The following DLG2 variants were observed in gnomAD, a reference collection of about 807,000 sequenced individuals.
The protein encoded by DLG2 is disks large homolog 2.
DLG2 carries 45 observed loss-of-function variants against 132.5 expected under a neutral mutation model. The ratio of observed to expected loss-of-function variants is 0.34; its 90% confidence interval spans 0.27 to 0.44. DLG2 has a LOEUF of 0.44. DLG2 is among the 20% of genes least tolerant of loss of function. The probability of loss-of-function intolerance (pLI) is 1.00; values close to 1 mark genes in which losing one functional copy is unlikely to be tolerated. For missense variants in DLG2, 1,045 were observed against 1,196.9 expected (o/e 0.87, Z 1.87); for synonymous variants, 424 against 419.6 (o/e 1.01, Z -0.13).
chr11:83,723,139 GGGAGGCCGA>G (rs2089128399), intron 18 of DLG2, among the ~76,000 whole-genome samples: 1 of 152,138 alleles, frequency 6.6e-6, no homozygotes, highest in African/African-American at 2.4e-5. Flanking sequence ...CCAGCACTTT[GGGAGGCCGA>G]GGAGGGCAGA....
intron 19 of DLG2, among the ~76,000 whole-genome samples, chr11:83,602,630 T>C (rs598934): frequency 0.5 from 76,131 of 152,108 alleles, 20,010 homozygotes; most frequent in African/African-American, 0.65. Context: ...TCCTTGGCCA[T>C]GTTTCAGTCT....
intron 9 of DLG2, among the ~76,000 whole-genome samples, chr11:84,129,538 G>GTACCTTGCCTCAAA (rs1318622538): frequency 1.3e-5 from 2 of 152,090 alleles, no homozygotes; most frequent in Admixed American, 1.3e-4. Flanking sequence ...TACATGATGT[G>GTACCTTGCCTCAAA]AGATGGCCTG....
At chr11:83,988,237 G>C (rs2093467758) in intron 11 of DLG2, among the ~76,000 whole-genome samples, 1 of 152,034 alleles carries the variant, frequency 6.6e-6, no homozygotes, top group South Asian at 2.1e-4. Context: ...GTATTTCTTA[G>C]ATTTTCTTCT....
intron 6 of DLG2, among the ~76,000 whole-genome samples, chr11:84,759,688 C>A (rs1172768739): frequency 6.6e-6 from 1 of 152,046 alleles, no homozygotes; most frequent in Non-Finnish European, 1.5e-5. Flanking sequence ...AACACCATCC[C>A]TTTTTTCAAA....
At chr11:84,871,814 G>C (rs182205846) in intron 6 of DLG2, among the ~76,000 whole-genome samples, 8 of 152,140 alleles carry the variant, frequency 5.3e-5, no homozygotes, top group Admixed American at 3.9e-4. Flanking sequence ...CTTCCGCCTT[G>C]TGGGTTCAAG....
At chr11:85,269,678 GC>G (rs1340936513) in intron 4 of DLG2, among the ~76,000 whole-genome samples, 1 of 152,184 alleles carries the variant, frequency 6.6e-6, no homozygotes, top group African/African-American at 2.4e-5. Flanking sequence ...TAGGCCAGTA[GC>G]AAGCATAATC....
chr11:83,614,962 T>C (rs1590974471), intron 19 of DLG2, among the ~76,000 whole-genome samples: 1 of 152,238 alleles, frequency 6.6e-6, no homozygotes, highest in Non-Finnish European at 1.5e-5. Context: ...AGTGGTATTC[T>C]GGATGGAGCT....
intron 4 of DLG2, among the ~76,000 whole-genome samples, chr11:85,181,236 G>A (rs1174928434): frequency 6.6e-6 from 1 of 150,922 alleles, no homozygotes; most frequent in Non-Finnish European, 1.5e-5. Context: ...ATGTATATGT[G>A]TATATATATG....
chr11:83,821,877 A>T (rs1347849692), intron 17 of DLG2, among the ~76,000 whole-genome samples: 1 of 152,114 alleles, frequency 6.6e-6, no homozygotes, highest in Non-Finnish European at 1.5e-5. Context: ...CAAAAAACAA[A>T]CTCTACCCTC....
chr11:84,502,465 G>A (rs11234052), intron 7 of DLG2, among the ~76,000 whole-genome samples: 32 of 145,090 alleles, frequency 2.2e-4, no homozygotes, highest in Middle Eastern at 3.5e-3. Flanking sequence ...TCTCAATCTC[G>A]GCTCACTGCA....
At chr11:84,408,732 C>A (rs2098876126) in intron 7 of DLG2, among the ~76,000 whole-genome samples, 1 of 152,188 alleles carries the variant, frequency 6.6e-6, no homozygotes. Flanking sequence ...ATGATAAAAT[C>A]TTGAGGGTCA....
chr11:84,324,737 C>A (rs909413374), intron 7 of DLG2, among the ~76,000 whole-genome samples: 1 of 151,936 alleles, frequency 6.6e-6, no homozygotes. Context: ...ACAAATCATT[C>A]TTCTGTTAAG....
chr11:84,026,861 C>T (rs1481976800), intron 11 of DLG2, among the ~76,000 whole-genome samples: 2 of 152,100 alleles, frequency 1.3e-5, no homozygotes, highest in Admixed American at 6.6e-5. Flanking sequence ...ATTTTTCCAT[C>T]TGTAAATTGG....
chr11:84,387,710 A>C (rs539124973), intron 7 of DLG2, among the ~76,000 whole-genome samples: 1 of 152,334 alleles, frequency 6.6e-6, no homozygotes, highest in South Asian at 2.1e-4. Context: ...TGTATGTTAT[A>C]TTATGGCTTT....
intron 6 of DLG2, among the ~76,000 whole-genome samples, chr11:84,784,929 C>T (rs927145044): frequency 1.3e-5 from 2 of 151,828 alleles, no homozygotes; most frequent in East Asian, 3.9e-4. Context: ...TTGAAAAAAG[C>T]CAAGAGAGTT....
At chr11:84,805,271 T>C (rs1264228158) in intron 6 of DLG2, among the ~76,000 whole-genome samples, 3 of 151,994 alleles carry the variant, frequency 2.0e-5, no homozygotes, top group African/African-American at 7.3e-5. Flanking sequence ...GGGAATTTTA[T>C]CCCCATTTGA....
chr11:84,933,469 T>G (rs1231063694), intron 6 of DLG2, among the ~76,000 whole-genome samples: 1 of 152,240 alleles, frequency 6.6e-6, no homozygotes, highest in Admixed American at 6.5e-5. Flanking sequence ...TATGGCCATT[T>G]TAATGATATT....
intron 7 of DLG2, among the ~76,000 whole-genome samples, chr11:84,380,204 A>G (rs548652450): frequency 1.3e-5 from 2 of 152,234 alleles, no homozygotes; most frequent in East Asian, 3.9e-4. Flanking sequence ...TAAAAGAGGA[A>G]AGGTTGGAGA....
intron 6 of DLG2, among the ~76,000 whole-genome samples, chr11:84,701,978 A>C (rs2059275126): frequency 6.6e-6 from 1 of 151,650 alleles, no homozygotes; most frequent in Non-Finnish European, 1.5e-5. Context: ...TAATGGAATT[A>C]CCAAATCCCA....
Sources: allele counts gnomAD v4.1 joint callset (sites outside exome capture counted in the v4.1 genomes callset), GRCh38; gene constraint gnomAD v4.1.1; transcripts MANE v1.5; gene names NCBI Gene and HGNC (gene_info 2026-07-23, HGNC 2026-07-21).